ANXA10: variants seen among roughly 807,000 people sequenced by gnomAD.
ANXA10 encodes annexin A10, also known as annexin 14.
Under a neutral mutation model 53.5 loss-of-function variants are expected in ANXA10, and 49 were observed. That is an observed-to-expected ratio of 0.92 (90% CI 0.73 to 1.16). ANXA10 has a LOEUF of 1.16. Among genes scored for constraint, ANXA10 ranks in the 50% most tolerant of loss-of-function variants. ANXA10 has a pLI of 0.00. For synonymous variants in ANXA10, 131 were observed against 128.9 expected, an observed-to-expected ratio of 1.02 and a Z score of -0.11; for missense variants, 393 against 394.4, an observed-to-expected ratio of 1.00 and a Z score of 0.03.
At chr4:168,148,870 C>A (rs965618397) in intron 3 of ANXA10, among the ~76,000 whole-genome samples, 1 of 151,572 alleles carries the variant, frequency 6.6e-6, no homozygotes, top group Non-Finnish European at 1.5e-5. Context: ...TTTATTATTT[C>A]CTCATTGTTA....
intron 3 of ANXA10, among the ~76,000 whole-genome samples, chr4:168,145,879 G>A (rs1731397967): frequency 6.6e-6 from 1 of 151,976 alleles, no homozygotes; most frequent in African/African-American, 2.4e-5. Context: ...GCCTAGGGAT[G>A]GTGGAGATCA....
intron 8 of ANXA10, 45 bp downstream of exon 8, chr4:168,178,028 T>A (rs202004058): frequency 6.4e-7 from 1 of 1,555,410 alleles, no homozygotes; most frequent in Admixed American, 1.7e-5. Flanking sequence ...ACCAATTATA[T>A]AACAAAAAGA....
At chr4:168,166,590 T>C (rs899782527) in intron 6 of ANXA10, among the ~76,000 whole-genome samples, 2 of 151,870 alleles carry the variant, frequency 1.3e-5, no homozygotes, top group East Asian at 3.9e-4. Context: ...GAGAAACATG[T>C]CTTAAAAGCC....
At chr4:168,187,321 C>T (rs3828561) in intron 11 of ANXA10, 45 bp from the exon 12 acceptor site, 3 of 1,287,872 alleles carry the variant, frequency 2.3e-6, no homozygotes, top group South Asian at 2.9e-5. Context: ...CTTTTTAGAA[C>T]TATTATGATA....
intron 1 of ANXA10, among the ~76,000 whole-genome samples, chr4:168,115,696 G>A (rs1730882843): frequency 6.6e-6 from 1 of 152,108 alleles, no homozygotes; most frequent in African/African-American, 2.4e-5. Flanking sequence ...ACAAATTACA[G>A]CTATAATGGA....
intron 1 of ANXA10, among the ~76,000 whole-genome samples, chr4:168,112,790 G>A (rs933950245): frequency 6.6e-6 from 1 of 152,150 alleles, no homozygotes; most frequent in African/African-American, 2.4e-5. Flanking sequence ...CAAGGCCAGG[G>A]TGGGCGGATC....
intron 6 of ANXA10, among the ~76,000 whole-genome samples, chr4:168,168,121 C>CT (rs1448531167): frequency 8.5e-5 from 13 of 152,172 alleles, no homozygotes. Context: ...TGAACAGGTG[C>CT]TACCGATCAG....
intron 1 of ANXA10, among the ~76,000 whole-genome samples, chr4:168,096,930 G>GTGTATATATATATATATATATGTATT (rs1730558478): frequency 2.6e-5 from 1 of 38,250 alleles, no homozygotes; most frequent in Admixed American, 2.6e-4. Context: ...ATATATATAT[G>GTGTATATATATATATATATATGTATT]TATGTATATG....
chr4:168,109,323 T>A (rs1730766294), intron 1 of ANXA10, among the ~76,000 whole-genome samples: 1 of 152,212 alleles, frequency 6.6e-6, no homozygotes, highest in Non-Finnish European at 1.5e-5. Context: ...CAGTATGAAT[T>A]TTAATGGATT....
At chr4:168,156,094 ATTATATATAAATATTATATTTATTTATAT>A in intron 3 of ANXA10, among the ~76,000 whole-genome samples, 2 of 64,570 alleles carry the variant, frequency 3.1e-5, no homozygotes, top group African/African-American at 7.0e-5. Flanking sequence ...TATAATATTT[ATTATATATAAATATTATATTTATTTATAT>A]TTATATATAT....
intron 2 of ANXA10, among the ~76,000 whole-genome samples, chr4:168,133,290 G>T (rs2149470834): frequency 6.6e-6 from 1 of 152,050 alleles, no homozygotes; most frequent in Middle Eastern, 3.4e-3. Context: ...TAATGTTAAT[G>T]AATTAATAAA....
Position 168,127,575 on chromosome 4 carries a change from ATAT to A in ANXA10, c.19-503_19-501del, listed in dbSNP as rs1294338184. Among the ~76,000 whole-genome samples the A allele has an allele frequency of 4.4e-4, 67 of 152,034 alleles. 1 individual carries two copies. Among genetic ancestry groups the A allele is most frequent in the Non-Finnish European group, 2.8e-4 (19 of 68,006 alleles). On this transcript the variant is annotated intron_variant, in intron 1 of 11. Transcript: ENST00000359299. ...TACTTACTGTTTGTCAAGAAGATATATATTATTAATTTGATTCTCCCATTTTTT... is the reference window on the plus strand; with the variant it reads ...TACTTACTGTTTGTCAAGAAGATATATATTAATTTGATTCTCCCATTTTTT...
At chr4:168,155,171 T>C (rs1462566576) in intron 3 of ANXA10, among the ~76,000 whole-genome samples, 3 of 151,116 alleles carry the variant, frequency 2.0e-5, no homozygotes, top group Non-Finnish European at 4.4e-5. Context: ...TCCCACTTTA[T>C]CTTTCAAAGC....
intron 3 of ANXA10, among the ~76,000 whole-genome samples, chr4:168,155,779 TTA>T (rs1290104866): frequency 3.7e-4 from 3 of 8,154 alleles, no homozygotes; most frequent in African/African-American, 1.1e-3. Flanking sequence ...ATATCATATA[TTA>T]TATATTATAT....
At chr4:168,148,271 A>C (rs1160778592) in intron 3 of ANXA10, among the ~76,000 whole-genome samples, 1 of 151,638 alleles carries the variant, frequency 6.6e-6, no homozygotes, top group African/African-American at 2.4e-5. Context: ...GGGTTCAAGC[A>C]ATTCTCTGCC....
At chr4:168,184,519 T>A in intron 10 of ANXA10, 40 bp from the exon 11 acceptor site, 2 of 1,610,198 alleles carry the variant, frequency 1.2e-6, no homozygotes, top group Non-Finnish European at 1.7e-6. Flanking sequence ...ACTTTTAGGA[T>A]GCTGTCTTCT....
chr4:168,114,844 A>G (rs1198586494), intron 1 of ANXA10, among the ~76,000 whole-genome samples: 1 of 152,072 alleles, frequency 6.6e-6, no homozygotes, highest in Non-Finnish European at 1.5e-5. Context: ...ATGGCTGCAT[A>G]GTATTCCACG....
chr4:168,093,193 G>A (rs770540250), intron 1 of ANXA10, among the ~76,000 whole-genome samples: 12 of 151,828 alleles, frequency 7.9e-5, no homozygotes, highest in African/African-American at 1.7e-4. Flanking sequence ...TTTTTATCTC[G>A]ATATTTACTT....
intron 1 of ANXA10, among the ~76,000 whole-genome samples, chr4:168,120,746 G>A (rs1487099551): frequency 6.6e-6 from 1 of 151,202 alleles, no homozygotes; most frequent in African/African-American, 2.4e-5. Flanking sequence ...ATGACTTAAT[G>A]TTAATGTTTT....
Sources: allele counts gnomAD v4.1 joint callset (sites outside exome capture counted in the v4.1 genomes callset), GRCh38; gene constraint gnomAD v4.1.1; transcripts MANE v1.5; gene names NCBI Gene and HGNC (gene_info 2026-07-23, HGNC 2026-07-21).